The following RIN2 variants were observed in gnomAD, a reference collection of about 807,000 sequenced individuals.
The protein encoded by RIN2 is RAB5 interacting protein 2.
In RIN2, 36 loss-of-function variants were observed where a neutral mutation model predicts 78.0. That is an observed-to-expected ratio of 0.46 (90% CI 0.35 to 0.61). The LOEUF (loss-of-function observed/expected upper bound fraction) is 0.61. RIN2 is among the 20% of genes least tolerant of loss of function. RIN2 has a pLI of 0.00. For synonymous variants in RIN2, 466 were observed against 466.8 expected (o/e 1.00, Z 0.02); for missense variants, 1,087 against 1,159.7 (o/e 0.94, Z 0.91).
At chr20:19,784,800 T>C (rs900575487) in intron 1 of RIN2, among the ~76,000 whole-genome samples, 1 of 151,946 alleles carries the variant, frequency 6.6e-6, no homozygotes. Context: ...CAGATCACAT[T>C]ACCCCTGGAA....
intron 1 of RIN2, among the ~76,000 whole-genome samples, chr20:19,760,578 A>G (rs1600383360): frequency 5.3e-5 from 8 of 152,274 alleles, no homozygotes; most frequent in African/African-American, 1.9e-4. Context: ...CTTTCCAGAA[A>G]GAACCTCCTT....
At chr20:19,832,891 G>A (rs1434713742) in intron 2 of RIN2, among the ~76,000 whole-genome samples, 1 of 152,038 alleles carries the variant, frequency 6.6e-6, no homozygotes. Context: ...CCCCTCCTAA[G>A]GGCCCCACCT....
Position 19,889,404 on chromosome 20 carries a change from G to A in RIN2, c.-36-162G>A, listed in dbSNP as rs2038339579. On this transcript the variant is annotated intron_variant, in intron 2 of 12. Coordinates refer to ENST00000255006, the MANE Select transcript of RIN2 (RefSeq NM_018993.4). ...CTAGGAACTGCGCTGGTGGGGACAGGAAATTGGGCTGAAGGGAGATGTAAG... is the reference window on the plus strand; with the variant it reads ...CTAGGAACTGCGCTGGTGGGGACAGAAAATTGGGCTGAAGGGAGATGTAAG... 3.4e-6 allele frequency: 4 copies of A among 1,175,198 alleles called. No individual in the cohort carries two copies. The South Asian group carries it at 8.5e-5, about 25-fold the overall frequency. 72.8% of individuals were successfully genotyped at this position (1,175,198 alleles called of 1,614,324 possible). A position where few individuals can be genotyped will look rare whatever the true frequency, so the allele number is the denominator to read the frequency against.
Position 19,808,790 on chromosome 20 carries a change from T to A in RIN2, c.-37+9043T>A, listed in dbSNP as rs950222119. The stretch of plus-strand genomic sequence containing the variant: ...CCTGGGGGTGGCATTGCTAGTGATG[T>A]ATAGAATCCTGGGACTAGTGCCAGC... On this transcript the variant is annotated intron_variant, in intron 2 of 12. Coordinates refer to ENST00000255006, the MANE Select transcript of RIN2 (RefSeq NM_018993.4). Among the ~76,000 whole-genome samples, 3 of 152,228 alleles carry A rather than the reference T, an allele frequency of 2.0e-5. No homozygotes were observed. In the East Asian group the frequency reaches 5.8e-4, roughly 29 times the overall value.
chr20:19,855,047 T>C (rs2037120331), intron 2 of RIN2, among the ~76,000 whole-genome samples: 1 of 152,202 alleles, frequency 6.6e-6, no homozygotes, highest in Admixed American at 6.5e-5. Context: ...TATTTTGAGA[T>C]ACGTCCCATC....
At chr20:19,813,698 T>C (rs1434284255) in intron 2 of RIN2, among the ~76,000 whole-genome samples, 6 of 151,870 alleles carry the variant, frequency 4.0e-5, no homozygotes, top group Non-Finnish European at 8.8e-5. Context: ...GTCTTCTAAA[T>C]GTTCTGTAAC....
At chr20:19,879,088 G>A (rs547759771) in intron 2 of RIN2, among the ~76,000 whole-genome samples, 1 of 152,324 alleles carries the variant, frequency 6.6e-6, no homozygotes, top group South Asian at 2.1e-4. Context: ...GTGCAAAACT[G>A]AATAATAGGA....
intron 4 of RIN2, among the ~76,000 whole-genome samples, chr20:19,949,145 G>A (rs1404265573): frequency 6.6e-6 from 1 of 152,188 alleles, no homozygotes; most frequent in Non-Finnish European, 1.5e-5. Flanking sequence ...AGCTGGGCAT[G>A]GTGGTGTGTG....
intron 2 of RIN2, among the ~76,000 whole-genome samples, chr20:19,875,217 G>A (rs1200379293): frequency 6.6e-6 from 1 of 151,908 alleles, no homozygotes; most frequent in African/African-American, 2.4e-5. Context: ...GGAGTGCAGT[G>A]GTATGATCTT....
intron 7 of RIN2, among the ~76,000 whole-genome samples, chr20:19,968,880 T>G (rs58966112): frequency 0.035 from 5,320 of 152,214 alleles, 312 homozygotes; most frequent in African/African-American, 0.12. Context: ...CCCTGCCAGG[T>G]CAGGCAGCAG....
chr20:19,799,090 G>A (rs2035163344), intron 1 of RIN2, among the ~76,000 whole-genome samples: 1 of 151,890 alleles, frequency 6.6e-6, no homozygotes, highest in Admixed American at 6.6e-5. Context: ...TGGTAGAGAC[G>A]GGATTTCACC....
At chr20:19,905,954 C>T (rs1481653636) in intron 3 of RIN2, among the ~76,000 whole-genome samples, 1 of 152,200 alleles carries the variant, frequency 6.6e-6, no homozygotes, top group Non-Finnish European at 1.5e-5. Context: ...TCACTGAATT[C>T]TCAAAGGTAG....
chr20:19,937,139 G>C (rs576983156), intron 4 of RIN2, among the ~76,000 whole-genome samples: 2 of 152,322 alleles, frequency 1.3e-5, no homozygotes, highest in African/African-American at 4.8e-5. Flanking sequence ...TTTAGAAGTA[G>C]TGAGTTTGGT....
intron 1 of RIN2, among the ~76,000 whole-genome samples, chr20:19,772,541 G>A (rs1777390608): frequency 6.6e-6 from 1 of 152,154 alleles, no homozygotes; most frequent in Non-Finnish European, 1.5e-5. Flanking sequence ...GCCAGCCCTG[G>A]AACCATGCTG....
chr20:19,925,199 G>A lies in RIN2; in HGVS notation c.58-9900G>A, dbSNP rs141802604. ...CCAGGGTATAGTGCTTAACAGGCTG[G>A]GGGAACCCAGCTCTGGCCATGTTGT... On this transcript the variant is annotated intron_variant, in intron 3 of 12. Transcript: ENST00000255006. Among the ~76,000 whole-genome samples, 93 of 152,256 alleles carry A rather than the reference G, an allele frequency of 6.1e-4. 1 individual carries two copies. In the East Asian group the frequency reaches 0.011, roughly 19 times the overall value.
Position 19,889,596 on chromosome 20 carries a change from G to A in RIN2, c.-6G>A. On this transcript the variant is annotated 5_prime_UTR_variant, in exon 3 of 13. Coordinates refer to ENST00000255006, the MANE Select transcript of RIN2 (RefSeq NM_018993.4). ...CCCGGCGTGCAGTGGAGCCTCGCTG[G>A]GGGAAATGACAGCTTGGACCATGGG... The A allele has an allele frequency of 6.4e-7, 1 of 1,552,416 alleles. No individual in the cohort carries two copies. Among genetic ancestry groups the A allele is most frequent in the Middle Eastern group, 1.7e-4 (1 of 5,974 alleles).
At chr20:19,904,301 G>A (rs983544088) in intron 3 of RIN2, among the ~76,000 whole-genome samples, 3 of 149,980 alleles carry the variant, frequency 2.0e-5, no homozygotes, top group African/African-American at 7.4e-5. Context: ...AAAAAAATGT[G>A]TAGCACACAT....
At chr20:19,891,239 C>A (rs908502129) in intron 3 of RIN2, among the ~76,000 whole-genome samples, 2 of 152,120 alleles carry the variant, frequency 1.3e-5, no homozygotes, top group African/African-American at 4.8e-5. Context: ...TAACCTCCAC[C>A]CATTGGAGGC....
intron 1 of RIN2, among the ~76,000 whole-genome samples, chr20:19,769,554 G>C (rs1020162471): frequency 6.6e-6 from 1 of 152,176 alleles, no homozygotes; most frequent in Non-Finnish European, 1.5e-5. Flanking sequence ...AGTGTAACAG[G>C]GTTGGATATG....
Sources: gnomAD v4.1 joint callset for allele counts (sites outside exome capture counted in the v4.1 genomes callset) on GRCh38, gnomAD v4.1.1 for gene constraint, MANE v1.5 for transcripts, NCBI Gene and HGNC (gene_info 2026-07-23, HGNC 2026-07-21) for gene names.